Variants in TPTE2 observed in about 807,000 individuals in gnomAD.
TPTE2 encodes the protein phosphatidylinositol 3,4,5-trisphosphate 3-phosphatase TPTE2.
In TPTE2, 53 loss-of-function variants were observed where a neutral mutation model predicts 78.6. The observed-to-expected ratio is 0.67, with a 90% CI of 0.54 to 0.85. TPTE2 has a LOEUF of 0.85. TPTE2 is among the 40% of genes least tolerant of loss of function. TPTE2 has a pLI of 0.00. For synonymous variants in TPTE2, 175 were observed against 206.2 expected, an observed-to-expected ratio of 0.85 and a Z score of 1.30; for missense variants, 461 against 623.0, an observed-to-expected ratio of 0.74 and a Z score of 2.77.
At chr13:19,479,948 G>A (rs768355487) in intron 4 of TPTE2, among the ~76,000 whole-genome samples, 11 of 147,982 alleles carry the variant, frequency 7.4e-5, no homozygotes, top group Non-Finnish European at 1.5e-4. Flanking sequence ...GTGACAGAGC[G>A]AGACTCCGGC....
intron 1 of TPTE2, among the ~76,000 whole-genome samples, chr13:19,522,146 C>A (rs566570784): frequency 2.0e-4 from 31 of 152,276 alleles, no homozygotes; most frequent in African/African-American, 7.2e-4. Context: ...TCTCATTAGA[C>A]CCTTAGTAGC....
At chr13:19,504,976 C>T (rs2137679068), upstream of TPTE2, among the ~76,000 whole-genome samples, 2 of 152,146 alleles carry the variant, frequency 1.3e-5, 1 homozygote, top group South Asian at 4.2e-4. Flanking sequence ...GGTTCTATCA[C>T]AGGTCATTGA....
chr13:19,464,088 G>A (rs1459384698), intron 10 of TPTE2, among the ~76,000 whole-genome samples: 1 of 152,170 alleles, frequency 6.6e-6, no homozygotes, highest in African/African-American at 2.4e-5. Context: ...TGTCAGTTGA[G>A]GGTAGCCAAG....
In TPTE2 at chr13:19,493,516, G is replaced by A. The variant is rs1342123756; in HGVS notation, c.12-15C>T. On this transcript the variant is annotated splice_polypyrimidine_tract_variant and intron_variant, in intron 1 of 19. Transcript: ENST00000400230. ...TTGTCTGTGGACTAGCGGATGATAA[G>A]AGAATACAGTCAGAGAGGAGACATA... The A allele has an allele frequency of 6.2e-7, 1 of 1,612,778 alleles. No homozygotes were observed. The highest frequency in any genetic ancestry group is 1.7e-4 in the Middle Eastern group (1 of 5,762).
chr13:19,544,060 C>CAAAAA, the TPTE2 span, among the ~76,000 whole-genome samples: 464 of 31,964 alleles, frequency 0.015, 99 homozygotes, highest in African/African-American at 0.053. Flanking sequence ...GAACCTGTCT[C>CAAAAA]AAAAAAAAAA....
chr13:19,457,469 C>A (rs1374870698), intron 10 of TPTE2, among the ~76,000 whole-genome samples: 2 of 152,104 alleles, frequency 1.3e-5, no homozygotes, highest in Non-Finnish European at 2.9e-5. Context: ...CATCCCATCC[C>A]TATGTATTAA....
In TPTE2 at chr13:19,535,611, CTTATTTATTTAT is replaced by C. The variant is rs112733083; in HGVS notation, c.-44+973_-44+984del. ...TAAGTAATACTATCTCCAGGATTTT[CTTATTTATTTAT>C]TTATTTATTTATTTATTTATTTATT... On this transcript the variant is annotated intron_variant, in intron 1 of 17. Transcript: ENST00000390680. The surrounding 1 kb of genome is among the most constrained non-coding windows in gnomAD (Gnocchi z 5.1). 3.8e-4 allele frequency among the ~76,000 whole-genome samples: 56 copies of C among 146,528 alleles called. 1 individual carries two copies. Among genetic ancestry groups the C allele is most frequent in the South Asian group, 4.5e-4 (2 of 4,484 alleles).
At chr13:19,548,519 G>C in the TPTE2 span, among the ~76,000 whole-genome samples, 1 of 151,862 alleles carries the variant, frequency 6.6e-6, no homozygotes, top group Non-Finnish European at 1.5e-5. Context: ...GGATATGTAA[G>C]AATTGAAAAG....
intron 10 of TPTE2, among the ~76,000 whole-genome samples, chr13:19,458,007 C>T (rs1265631155): frequency 6.6e-6 from 1 of 151,974 alleles, no homozygotes; most frequent in East Asian, 1.9e-4. Flanking sequence ...GGAATTTCCC[C>T]AGTATTTAAA....
chr13:19,561,469 G>C, the TPTE2 span, among the ~76,000 whole-genome samples: 101,892 of 151,880 alleles, frequency 0.67, 36,112 homozygotes, highest in East Asian at 0.88. Context: ...ACGCCTCCCC[G>C]CAAGCCCCGA....
At chr13:19,500,976 CA>C (rs1184616833) in intron 1 of TPTE2, among the ~76,000 whole-genome samples, 1 of 135,062 alleles carries the variant, frequency 7.4e-6, no homozygotes, top group Non-Finnish European at 1.6e-5. Context: ...AATCAATGTA[CA>C]AAAATCACAA....
chr13:19,476,861 G>A lies in TPTE2; in HGVS notation c.180-1238C>T, dbSNP rs565390515. On this transcript the variant is annotated intron_variant, in intron 4 of 19. Coordinates refer to ENST00000400230, the Ensembl canonical transcript of TPTE2. The stretch of plus-strand genomic sequence containing the variant: ...TTTGACTGAGCAATCCCATTACTGA[G>A]TAGATACCCAGAGGAATATAAATCA... Among the ~76,000 whole-genome samples, 24 of 152,270 alleles carry A rather than the reference G, an allele frequency of 1.6e-4. No homozygotes were observed. The East Asian group carries it at 3.9e-3, about 25-fold the overall frequency.
At chr13:19,468,190 G>A (rs763524609) in intron 6 of TPTE2, among the ~76,000 whole-genome samples, 4 of 151,006 alleles carry the variant, frequency 2.6e-5, no homozygotes, top group Non-Finnish European at 5.9e-5. Flanking sequence ...ACAGGCGACC[G>A]ACACCACACC....
chr13:19,513,357 A>G (rs532788963), intron 1 of TPTE2, among the ~76,000 whole-genome samples: 1 of 152,330 alleles, frequency 6.6e-6, no homozygotes, highest in Non-Finnish European at 1.5e-5. Flanking sequence ...AACTTTTTAG[A>G]AAGAATTTTA....
intron 13 of TPTE2, among the ~76,000 whole-genome samples, chr13:19,444,979 G>A (rs1877735153): frequency 6.6e-6 from 1 of 152,214 alleles, no homozygotes; most frequent in African/African-American, 2.4e-5. Context: ...CATAAATCAA[G>A]TTTAAAAGGA....
chr13:19,497,630 C>T (rs1357156688), intron 1 of TPTE2, among the ~76,000 whole-genome samples: 16 of 128,848 alleles, frequency 1.2e-4, no homozygotes, highest in East Asian at 1.2e-3. Flanking sequence ...AAAGGACATC[C>T]ACACCAAAAA....
At chr13:19,435,055 T>C (rs1198168601) in intron 15 of TPTE2, among the ~76,000 whole-genome samples, 1 of 152,220 alleles carries the variant, frequency 6.6e-6, no homozygotes, top group Non-Finnish European at 1.5e-5. Flanking sequence ...CGCTATAGGA[T>C]AAATATCCTG....
chr13:19,494,775 T>C (rs546266515), intron 1 of TPTE2, among the ~76,000 whole-genome samples: 1 of 152,272 alleles, frequency 6.6e-6, no homozygotes, highest in East Asian at 1.9e-4. Flanking sequence ...CGCCAGGGCA[T>C]TCGGATCAGG....
chr13:19,465,916 T>C (rs1879244883), intron 7 of TPTE2, among the ~76,000 whole-genome samples: 1 of 152,216 alleles, frequency 6.6e-6, no homozygotes, highest in Non-Finnish European at 1.5e-5. Flanking sequence ...AGTGATACGA[T>C]AGACTCTTAG....
Sources: allele counts gnomAD v4.1 joint callset (sites outside exome capture counted in the v4.1 genomes callset), GRCh38; gene constraint gnomAD v4.1.1; non-coding constraint Gnocchi (gnomAD v3.1); transcripts MANE v1.5; gene names NCBI Gene and HGNC (gene_info 2026-07-23, HGNC 2026-07-21).